GRB10: variants seen among roughly 807,000 people sequenced by gnomAD.
GRB10 encodes growth factor receptor-bound protein 10.
Under a neutral mutation model 80.9 loss-of-function variants are expected in GRB10, and 20 were observed. The ratio of observed to expected loss-of-function variants is 0.25; its 90% CI spans 0.17 to 0.36. The LOEUF (loss-of-function observed/expected upper bound fraction) is 0.36, where lower values mean the gene tolerates loss of function less well. Ranked by LOEUF, GRB10 falls within the 10% of genes least tolerant of loss-of-function variation. GRB10 has a pLI of 1.00. For missense variants in GRB10, 548 were observed against 747.7 expected, an observed-to-expected ratio of 0.73 and a Z score of 3.12; for synonymous variants, 291 against 291.5, an observed-to-expected ratio of 1.00 and a Z score of 0.02.
intron 4 of GRB10, among the ~76,000 whole-genome samples, chr7:50,708,749 C>T (rs577118849): frequency 5.3e-5 from 8 of 149,622 alleles, no homozygotes; most frequent in Middle Eastern, 3.4e-3. Context: ...GATCTCGGCT[C>T]ACTGCAATCT....
At chr7:50,677,494 C>T (rs2061084140) in intron 5 of GRB10, among the ~76,000 whole-genome samples, 1 of 152,128 alleles carries the variant, frequency 6.6e-6, no homozygotes, top group South Asian at 2.1e-4. Flanking sequence ...ACTCTGCCTG[C>T]CAAAGACAAG....
chr7:50,625,899 A>G (rs879488200), intron 8 of GRB10, among the ~76,000 whole-genome samples: 1 of 152,216 alleles, frequency 6.6e-6, no homozygotes, highest in Admixed American at 6.5e-5. Flanking sequence ...AGTATTCCAG[A>G]CCTAGAGGTT....
intron 4 of GRB10, among the ~76,000 whole-genome samples, chr7:50,712,701 GC>G (rs1251448077): frequency 6.6e-6 from 1 of 152,190 alleles, no homozygotes; most frequent in Non-Finnish European, 1.5e-5. Flanking sequence ...TGAATTAAAA[GC>G]AAAAGTAGTG....
intron 1 of GRB10, among the ~76,000 whole-genome samples, chr7:50,788,504 C>T (rs1357953646): frequency 2.0e-5 from 3 of 152,174 alleles, no homozygotes; most frequent in Non-Finnish European, 4.4e-5. Context: ...GTCCCCAACG[C>T]AGTGCCACCT....
At chr7:50,677,721 C>T (rs2061109704) in intron 5 of GRB10, among the ~76,000 whole-genome samples, 1 of 152,212 alleles carries the variant, frequency 6.6e-6, no homozygotes, top group Non-Finnish European at 1.5e-5. Context: ...GTATTAACAG[C>T]TCAATATTTC....
chr7:50,682,483 A>G (rs73697057), intron 5 of GRB10, among the ~76,000 whole-genome samples: 3,069 of 152,314 alleles, frequency 0.02, 107 homozygotes, highest in African/African-American at 0.069. Context: ...TGGTAACCGT[A>G]TTTGAAAATC....
intron 4 of GRB10, chr7:50,711,010 G>A: frequency 1.1e-6 from 1 of 950,130 alleles, no homozygotes; most frequent in Non-Finnish European, 1.7e-6. Flanking sequence ...GGCACAGAAG[G>A]CACACTTAAT....
intron 5 of GRB10, among the ~76,000 whole-genome samples, chr7:50,693,066 C>T (rs1171884579): frequency 6.6e-6 from 1 of 152,156 alleles, no homozygotes; most frequent in Non-Finnish European, 1.5e-5. Flanking sequence ...ATGATGGGTA[C>T]ATGCAAACGA....
chr7:50,625,772 G>T (rs946351773), intron 8 of GRB10, among the ~76,000 whole-genome samples: 3 of 152,210 alleles, frequency 2.0e-5, no homozygotes, highest in Non-Finnish European at 4.4e-5. Context: ...AGTACAGGGC[G>T]CATTAGAAAA....
intron 3 of GRB10, among the ~76,000 whole-genome samples, chr7:50,747,077 T>G (rs1306732146): frequency 1.3e-5 from 2 of 152,182 alleles, no homozygotes; most frequent in African/African-American, 2.4e-5. Flanking sequence ...ATCAGCAGTC[T>G]CTCCAAAGCC....
At chr7:50,682,502 T>C (rs1189459674) in intron 5 of GRB10, among the ~76,000 whole-genome samples, 1 of 152,214 alleles carries the variant, frequency 6.6e-6, no homozygotes, top group Admixed American at 6.5e-5. Flanking sequence ...TCAATGATCA[T>C]GTCGGCTCAA....
chr7:50,719,090 AAGT>A (rs74883121), intron 4 of GRB10, among the ~76,000 whole-genome samples: 11,970 of 152,278 alleles, frequency 0.079, 580 homozygotes, highest in East Asian at 0.17. Flanking sequence ...TAAAGAAAAC[AAGT>A]AGTGAGCAAT....
intron 7 of GRB10, among the ~76,000 whole-genome samples, chr7:50,633,843 A>G (rs544090866): frequency 2.6e-5 from 4 of 152,326 alleles, no homozygotes; most frequent in East Asian, 1.9e-4. Context: ...ATTAGCCCAG[A>G]TAAGAAGAAA....
intron 5 of GRB10, among the ~76,000 whole-genome samples, chr7:50,688,678 A>T (rs1049749993): frequency 6.6e-6 from 1 of 151,980 alleles, no homozygotes. Context: ...ACTCTCAGAG[A>T]AGACAATGGT....
rs572849125 is a variant in GRB10, at chr7:50,728,334, C to T, written c.51+3938G>A. On this transcript the variant is annotated intron_variant, in intron 4 of 18. Coordinates refer to ENST00000401949, the MANE Select transcript of GRB10 (RefSeq NM_001350814.2). The stretch of plus-strand genomic sequence containing the variant: ...ATGGAATTCATTTCCAGGAACTGAG[C>T]CCAAATCAACTCTCGGAGATGATGT... 4.6e-5 allele frequency among the ~76,000 whole-genome samples: 7 copies of T among 152,134 alleles called. No homozygotes were observed. In the East Asian group the frequency reaches 1.4e-3, roughly 29 times the overall value.
intron 5 of GRB10, among the ~76,000 whole-genome samples, chr7:50,681,637 C>T: frequency 6.6e-6 from 1 of 152,240 alleles, no homozygotes; most frequent in East Asian, 1.9e-4. Flanking sequence ...AGCCTCTTTC[C>T]TCTGTGTGCA....
At chr7:50,597,336 C>G (rs2046840642) in intron 17 of GRB10, among the ~76,000 whole-genome samples, 1 of 152,236 alleles carries the variant, frequency 6.6e-6, no homozygotes, top group South Asian at 2.1e-4. Flanking sequence ...TGAGGAAGCT[C>G]AGACCCCACT....
chr7:50,605,219 G>A (rs1389971967), intron 15 of GRB10, 71 bp downstream of exon 15: 4 of 1,190,118 alleles, frequency 3.4e-6, no homozygotes, highest in Non-Finnish European at 5.0e-6. Context: ...CTGTTCCTCT[G>A]GGAGAAGACC....
chr7:50,643,225 G>A (rs939502204), intron 7 of GRB10, among the ~76,000 whole-genome samples: 1 of 152,028 alleles, frequency 6.6e-6, no homozygotes, highest in Non-Finnish European at 1.5e-5. Flanking sequence ...TACATGGAGG[G>A]GGTCCTGGAA....
Sources: gnomAD v4.1 joint callset for allele counts (sites outside exome capture counted in the v4.1 genomes callset) on GRCh38, gnomAD v4.1.1 for gene constraint, MANE v1.5 for transcripts, NCBI Gene and HGNC (gene_info 2026-07-23, HGNC 2026-07-21) for gene names.